The following CSMD3 variants were observed in gnomAD, a reference collection of about 807,000 sequenced individuals.
The protein encoded by CSMD3 is CUB and Sushi multiple domains 3.
Under a neutral mutation model 435.2 loss-of-function variants are expected in CSMD3, and 177 were observed. The observed-to-expected ratio is 0.41, with a 90% confidence interval of 0.36 to 0.46. The LOEUF is 0.46. Among genes scored for constraint, CSMD3 ranks in the 20% least tolerant of loss-of-function variants. The probability of loss-of-function intolerance (pLI) is 0.34; values close to 1 mark genes in which losing one functional copy is unlikely to be tolerated. For synonymous variants in CSMD3, 1,656 were observed against 1,520.5 expected, an observed-to-expected ratio of 1.09 and a Z score of -2.07; for missense variants, 4,265 against 4,504.6, an observed-to-expected ratio of 0.95 and a Z score of 1.52.
At chr8:113,029,544 A>G (rs2087003701) in intron 5 of CSMD3, among the ~76,000 whole-genome samples, 1 of 151,642 alleles carries the variant, frequency 6.6e-6, no homozygotes, top group Non-Finnish European at 1.5e-5. Context: ...ATCACAATAG[A>G]TGCAGCAAAA....
chr8:112,947,659 T>A (rs1587734989), intron 9 of CSMD3, 131 bp downstream of exon 9: 2 of 550,104 alleles, frequency 3.6e-6, no homozygotes, highest in Non-Finnish European at 6.4e-6. Flanking sequence ...ATATTATTAA[T>A]AACAATACAT....
intron 30 of CSMD3, among the ~76,000 whole-genome samples, chr8:112,498,027 G>A (rs559486721): frequency 1.3e-5 from 2 of 152,090 alleles, no homozygotes; most frequent in South Asian, 4.1e-4. Context: ...GACAGTGGGT[G>A]GGGAAGAAGG....
At chr8:112,867,319 T>G (rs1017615024) in intron 10 of CSMD3, among the ~76,000 whole-genome samples, 1 of 152,166 alleles carries the variant, frequency 6.6e-6, no homozygotes, top group Non-Finnish European at 1.5e-5. Context: ...TAGTTTGAGT[T>G]TCTGTCATGG....
rs73337716 is a variant in CSMD3, at chr8:113,277,895, A to T, written c.514+697T>A. Among the ~76,000 whole-genome samples, 536 of 148,142 alleles carry T rather than the reference A, an allele frequency of 3.6e-3. 2 individuals carry two copies. The highest frequency in any genetic ancestry group is 0.013 in the African/African-American group (499 of 38,594). On this transcript the variant is annotated intron_variant, in intron 3 of 70. Transcript: ENST00000297405. The stretch of plus-strand genomic sequence containing the variant: ...TAGCACATTTTTTAAAAAGCAAAAC[A>T]TGTAGATTCTGTGCCTTTAAACACT...
At chr8:112,740,852 G>C (rs1473062547) in intron 13 of CSMD3, among the ~76,000 whole-genome samples, 1 of 151,904 alleles carries the variant, frequency 6.6e-6, no homozygotes, top group Non-Finnish European at 1.5e-5. Context: ...AAGAGCAACA[G>C]GTTTAGGAAT....
intron 2 of CSMD3, among the ~76,000 whole-genome samples, chr8:113,299,999 A>T (rs1047539097): frequency 6.6e-6 from 1 of 151,362 alleles, no homozygotes; most frequent in African/African-American, 2.4e-5. Context: ...CTCAAAAAAA[A>T]AAAAATTAGC....
At chr8:112,649,594 A>G (rs186190765) in intron 19 of CSMD3, among the ~76,000 whole-genome samples, 1 of 152,312 alleles carries the variant, frequency 6.6e-6, no homozygotes, top group Admixed American at 6.5e-5. Flanking sequence ...ACTGGATTTC[A>G]TATGTGTTTC....
At chr8:112,845,132 TAAAC>T in intron 11 of CSMD3, among the ~76,000 whole-genome samples, 1 of 152,164 alleles carries the variant, frequency 6.6e-6, no homozygotes, top group Admixed American at 6.6e-5. Context: ...CACATGGAAA[TAAAC>T]AAGCAACTAT....
At chr8:112,895,574 A>C (rs2081927114) in intron 10 of CSMD3, among the ~76,000 whole-genome samples, 2 of 151,496 alleles carry the variant, frequency 1.3e-5, no homozygotes, top group South Asian at 4.1e-4. Flanking sequence ...TGGCTGCCAA[A>C]GTGGACTTGG....
At chr8:112,688,517 G>T (rs1382822115) in intron 14 of CSMD3, among the ~76,000 whole-genome samples, 1 of 152,056 alleles carries the variant, frequency 6.6e-6, no homozygotes, top group Non-Finnish European at 1.5e-5. Context: ...AGCAATTTCT[G>T]TATAACTCAT....
In CSMD3 at chr8:112,314,062, G is replaced by T. The variant is rs760926841; in HGVS notation, c.7550-10C>A. 1.3e-6 allele frequency: 2 copies of T among 1,594,734 alleles called. No individual in the cohort carries two copies. Among genetic ancestry groups the T allele is most frequent in the Non-Finnish European group, 8.6e-7 (1 of 1,163,564 alleles). ...CTTTGAATATTTGGTCCTTTGGGAAGAAAATAAAACAATTTAGATAAAGCT... is the reference window on the plus strand; with the variant it reads ...CTTTGAATATTTGGTCCTTTGGGAATAAAATAAAACAATTTAGATAAAGCT... On this transcript the variant is annotated splice_polypyrimidine_tract_variant and intron_variant, in intron 48 of 70. Transcript: ENST00000297405.
At chr8:113,264,899 T>A (rs1181997378) in intron 3 of CSMD3, among the ~76,000 whole-genome samples, 1 of 151,592 alleles carries the variant, frequency 6.6e-6, no homozygotes, top group East Asian at 1.9e-4. Context: ...ACTAATCAAT[T>A]TTTTTGTTAG....
At position 112,582,268 on chromosome 8, in the gene CSMD3, A is replaced by G. The variant is rs75756866; in HGVS notation, c.3885+4798T>C. 1.3e-4 allele frequency among the ~76,000 whole-genome samples: 20 copies of G among 152,150 alleles called. No individual in the cohort carries two copies. The East Asian group carries it at 3.9e-3, about 29-fold the overall frequency. The stretch of plus-strand genomic sequence containing the variant: ...CCAGCTTCTCCCTTCACCTTCTGCC[A>G]CAATTGTGAGCTTCCTGAGGTCCTC... On this transcript the variant is annotated intron_variant, in intron 23 of 70. Coordinates refer to ENST00000297405, the MANE Select transcript of CSMD3 (RefSeq NM_198123.2).
intron 54 of CSMD3, among the ~76,000 whole-genome samples, chr8:112,292,984 G>A (rs1426017377): frequency 4.6e-5 from 7 of 151,922 alleles, no homozygotes; most frequent in South Asian, 2.1e-4. Flanking sequence ...AAAGTTTCAC[G>A]GTACCTATTT....
In CSMD3 at chr8:113,392,977, A is replaced by G. The variant is rs539209494; in HGVS notation, c.178+43700T>C. 3.0e-3 allele frequency among the ~76,000 whole-genome samples: 460 copies of G among 150,964 alleles called. 6 individuals are homozygous for G. The highest frequency in any genetic ancestry group is 0.01 in the African/African-American group (426 of 40,908). On this transcript the variant is annotated intron_variant, in intron 1 of 70. Transcript: ENST00000297405. ...TATATATGTGTGTGTGTGTGTGTGTATATACATATGTATATATATATATAC... is the reference window on the plus strand; with the variant it reads ...TATATATGTGTGTGTGTGTGTGTGTGTATACATATGTATATATATATATAC...
At chr8:113,137,447 T>C (rs1307819481) in intron 4 of CSMD3, among the ~76,000 whole-genome samples, 1 of 151,720 alleles carries the variant, frequency 6.6e-6, no homozygotes, top group Non-Finnish European at 1.5e-5. Flanking sequence ...CCAATGCAAT[T>C]GTGCTAGCTC....
intron 38 of CSMD3, among the ~76,000 whole-genome samples, chr8:112,364,712 G>A (rs1827595093): frequency 6.6e-6 from 1 of 152,024 alleles, no homozygotes; most frequent in African/African-American, 2.4e-5. Flanking sequence ...CTTAGTGGAA[G>A]CCTACCAACA....
At chr8:113,218,343 A>G (rs1291210188) in intron 3 of CSMD3, among the ~76,000 whole-genome samples, 1 of 150,996 alleles carries the variant, frequency 6.6e-6, no homozygotes, top group African/African-American at 2.4e-5. Flanking sequence ...AAATTATTTC[A>G]TCCTGTACTA....
intron 59 of CSMD3, among the ~76,000 whole-genome samples, chr8:112,266,669 C>T (rs886570096): frequency 6.6e-6 from 1 of 152,036 alleles, no homozygotes; most frequent in Non-Finnish European, 1.5e-5. Context: ...ATAATGCCAG[C>T]CAAAATGTTT....
Sources: allele counts gnomAD v4.1 joint callset (sites outside exome capture counted in the v4.1 genomes callset), GRCh38; gene constraint gnomAD v4.1.1; transcripts MANE v1.5; gene names NCBI Gene and HGNC (gene_info 2026-07-23, HGNC 2026-07-21).